The following MARCHF10 variants were observed in gnomAD, a reference collection of about 807,000 sequenced individuals.
The protein encoded by MARCHF10 is probable E3 ubiquitin-protein ligase MARCHF10.
A neutral mutation model predicts 76.2 loss-of-function variants in MARCHF10; 64 were observed. That is an observed-to-expected ratio of 0.84 (90% CI 0.69 to 1.03). The LOEUF (loss-of-function observed/expected upper bound fraction) is 1.03. MARCHF10 is among the 50% of genes least tolerant of loss of function. The pLI, the probability that MARCHF10 is intolerant of heterozygous loss-of-function variation, is 0.00. For missense variants in MARCHF10, 875 were observed against 958.0 expected (o/e 0.91, Z 1.14); for synonymous variants, 340 against 357.5 (o/e 0.95, Z 0.55).
At chr17:62,721,530 C>T (rs2090487765) in intron 8 of MARCHF10, among the ~76,000 whole-genome samples, 1 of 151,948 alleles carries the variant, frequency 6.6e-6, no homozygotes. Flanking sequence ...ATATTGCCAA[C>T]AAAAGTGGCA....
At chr17:62,747,136 A>G (rs16946376) in intron 4 of MARCHF10, among the ~76,000 whole-genome samples, 2,017 of 152,308 alleles carry the variant, frequency 0.013, 50 homozygotes, top group African/African-American at 0.046. Flanking sequence ...GTTGCCTCAT[A>G]CTGCTGTGCA....
intron 3 of MARCHF10, among the ~76,000 whole-genome samples, chr17:62,763,266 C>T (rs1437723782): frequency 6.6e-6 from 1 of 152,160 alleles, no homozygotes; most frequent in Non-Finnish European, 1.5e-5. Context: ...GTCAAAGTCC[C>T]CAGTGAAAAA....
rs186006226 is a variant in MARCHF10, at chr17:62,770,181, G to A, written c.211-10175C>T. Reference sequence around the variant, plus strand: ...TATGGCCTCCAGCTCCATCCATATTGCTCCAAAGAACATGGTTTCTTTCTT... The same window carrying A: ...TATGGCCTCCAGCTCCATCCATATTACTCCAAAGAACATGGTTTCTTTCTT... On this transcript the variant is annotated intron_variant, in intron 3 of 10. Coordinates refer to ENST00000311269, the MANE Select transcript of MARCHF10 (RefSeq NM_152598.4). Among the ~76,000 whole-genome samples, 607 of 152,228 alleles carry A rather than the reference G, an allele frequency of 4.0e-3. 5 individuals carry two copies. The highest frequency in any genetic ancestry group is 0.014 in the African/African-American group (573 of 41,518).
At chr17:62,731,601 A>T (rs1222131794) in intron 6 of MARCHF10, among the ~76,000 whole-genome samples, 1 of 152,142 alleles carries the variant, frequency 6.6e-6, no homozygotes, top group Non-Finnish European at 1.5e-5. Flanking sequence ...AAGCATAGAA[A>T]TTCCTGGAAC....
chr17:62,804,119 T>C (rs2093124959), intron 1 of MARCHF10, among the ~76,000 whole-genome samples: 3 of 151,960 alleles, frequency 2.0e-5, no homozygotes, highest in African/African-American at 7.3e-5. Flanking sequence ...GGACCAGGGG[T>C]GGAAGTCTCA....
Position 62,712,566 on chromosome 17 carries a change from G to C in MARCHF10, c.2215-1222C>G, listed in dbSNP as rs1333285255. On this transcript the variant is annotated intron_variant, in intron 8 of 10. Transcript: ENST00000311269. This position sits in a 1 kb window ranked among gnomAD's most constrained non-coding sequence, Gnocchi z 4.2. ...CAACTCTGGATCTTGGTGACAGCCG[G>C]CCCTGAGATCACTGCTGCAGGCCTC... Among the ~76,000 whole-genome samples, 1 of 152,078 alleles carries C rather than the reference G, an allele frequency of 6.6e-6. No homozygotes were observed. Among genetic ancestry groups the C allele is most frequent in the Non-Finnish European group, 1.5e-5 (1 of 68,010 alleles).
Position 62,736,490 on chromosome 17 carries a change from T to G in MARCHF10, c.1378A>C (p.Ile460Leu). 6.2e-7 allele frequency: 1 copy of G among 1,614,210 alleles called. No individual in the cohort carries two copies. Among genetic ancestry groups the G allele is most frequent in the Non-Finnish European group, 8.5e-7 (1 of 1,180,014 alleles). ...GAATTCACTGATGATCTTGGAGATA[T>G]TGGTCTGCCAGAAATAAAGTAGTCA... ...SLDYFISGRP[I>L]SPRSSVNSSY... Residue 460 changes from isoleucine to leucine, a missense_variant, in exon 6 of 11, where the codon ATA (isoleucine) becomes CTA (leucine). Transcript: ENST00000311269.
intron 7 of MARCHF10, among the ~76,000 whole-genome samples, chr17:62,723,566 T>TTTTTTTTTTTTTTTA: frequency 1.4e-5 from 2 of 145,540 alleles, no homozygotes; most frequent in African/African-American, 5.2e-5. Flanking sequence ...TGACTTTTTT[T>TTTTTTTTTTTTTTTA]TTTTTTTTTT....
At chr17:62,704,831 C>T in intron 10 of MARCHF10, 1 of 680,072 alleles carries the variant, frequency 1.5e-6, no homozygotes, top group Non-Finnish European at 1.8e-6. Flanking sequence ...TCTCTGGGGA[C>T]CCAGTTGTCA....
At chr17:62,723,405 T>G (rs922315661) in intron 7 of MARCHF10, among the ~76,000 whole-genome samples, 2 of 151,850 alleles carry the variant, frequency 1.3e-5, no homozygotes, top group Non-Finnish European at 2.9e-5. Context: ...ACCTATTAGT[T>G]ACCTGCATGT....
chr17:62,778,972 A>G (rs1455361263), intron 3 of MARCHF10, among the ~76,000 whole-genome samples: 1 of 152,216 alleles, frequency 6.6e-6, no homozygotes, highest in Non-Finnish European at 1.5e-5. Context: ...CGGTGAACAG[A>G]GCAACGGCTA....
At chr17:62,779,276 C>A (rs1342516760) in intron 3 of MARCHF10, among the ~76,000 whole-genome samples, 1 of 152,142 alleles carries the variant, frequency 6.6e-6, no homozygotes, top group African/African-American at 2.4e-5. Context: ...AGGCCTAGGG[C>A]CAGAAAGAAG....
At chr17:62,755,212 G>C (rs2092005120) in intron 4 of MARCHF10, among the ~76,000 whole-genome samples, 1 of 152,224 alleles carries the variant, frequency 6.6e-6, no homozygotes, top group Non-Finnish European at 1.5e-5. Flanking sequence ...ACTCCATCCA[G>C]ATCTGTCTTC....
intron 3 of MARCHF10, among the ~76,000 whole-genome samples, chr17:62,786,640 AC>A (rs1476284091): frequency 2.6e-5 from 4 of 152,346 alleles, no homozygotes; most frequent in Non-Finnish European, 5.9e-5. Flanking sequence ...TATGTATACA[AC>A]CATGACCTTT....
chr17:62,751,876 C>T (rs1371366929), intron 4 of MARCHF10, among the ~76,000 whole-genome samples: 4 of 151,954 alleles, frequency 2.6e-5, no homozygotes, highest in Non-Finnish European at 4.4e-5. Flanking sequence ...CAAAATTAGC[C>T]GGGCATGGTG....
Position 62,796,789 on chromosome 17 carries a change from T to C in MARCHF10, c.90+4857A>G, listed in dbSNP as rs554155286. ...GGATCACTTGAGCCCAGGAGTTCGATACCAGCCTGGCCAACATGGTGAGAC... is the reference window on the plus strand; with the variant it reads ...GGATCACTTGAGCCCAGGAGTTCGACACCAGCCTGGCCAACATGGTGAGAC... On this transcript the variant is annotated intron_variant, in intron 2 of 10. Transcript: ENST00000311269. Among the ~76,000 whole-genome samples, 8 of 152,242 alleles carry C rather than the reference T, an allele frequency of 5.3e-5. No homozygotes were observed. The East Asian group carries it at 1.2e-3, about 22-fold the overall frequency.
At chr17:62,781,921 A>G (rs1190433205) in intron 3 of MARCHF10, among the ~76,000 whole-genome samples, 2 of 152,222 alleles carry the variant, frequency 1.3e-5, no homozygotes, top group East Asian at 3.8e-4. Flanking sequence ...CTTTCATAAC[A>G]GCCACTCAAT....
intron 4 of MARCHF10, among the ~76,000 whole-genome samples, chr17:62,758,366 A>G (rs961145753): frequency 6.6e-6 from 1 of 152,198 alleles, no homozygotes; most frequent in Non-Finnish European, 1.5e-5. Flanking sequence ...ACAAACAAAC[A>G]AAAACAACAA....
At chr17:62,704,042 G>A (rs1458243335) in intron 10 of MARCHF10, among the ~76,000 whole-genome samples, 1 of 151,272 alleles carries the variant, frequency 6.6e-6, no homozygotes, top group Non-Finnish European at 1.5e-5. Context: ...GGCGGGGCTG[G>A]GGAGGGGGCG....
Sources: allele counts gnomAD v4.1 joint callset (sites outside exome capture counted in the v4.1 genomes callset), GRCh38; gene constraint gnomAD v4.1.1; non-coding constraint Gnocchi (gnomAD v3.1); transcripts MANE v1.5; gene names NCBI Gene and HGNC (gene_info 2026-07-23, HGNC 2026-07-21).